CSMD1: variants seen among roughly 807,000 people sequenced by gnomAD.
CSMD1 encodes the protein CUB and Sushi multiple domains 1.
A neutral mutation model predicts 417.5 loss-of-function variants in CSMD1; 213 were observed. That is an observed-to-expected ratio of 0.51 (90% CI 0.46 to 0.57). The LOEUF (loss-of-function observed/expected upper bound fraction) is 0.57, where lower values mean the gene tolerates loss of function less well. CSMD1 is among the 20% of genes least tolerant of loss of function. The probability of loss-of-function intolerance (pLI) is 0.00; values close to 1 mark genes in which losing one functional copy is unlikely to be tolerated. For synonymous variants in CSMD1, 2,862 were observed against 1,736.8 expected, an observed-to-expected ratio of 1.65 and a Z score of -16.11; for missense variants, 6,923 against 4,529.7, an observed-to-expected ratio of 1.53 and a Z score of -15.17.
chr8:4,884,081 A>G (rs963845616), intron 1 of CSMD1, among the ~76,000 whole-genome samples: 1 of 152,060 alleles, frequency 6.6e-6, no homozygotes, highest in Non-Finnish European at 1.5e-5. Context: ...CCCTGATGGC[A>G]AATGATATTG....
At chr8:4,010,110 T>C (rs1295222057) in intron 4 of CSMD1, among the ~76,000 whole-genome samples, 2 of 152,190 alleles carry the variant, frequency 1.3e-5, no homozygotes, top group African/African-American at 2.4e-5. Context: ...CCTTCCCTTC[T>C]TCCTCTGATG....
chr8:4,773,543 A>T (rs1454941206), intron 1 of CSMD1, among the ~76,000 whole-genome samples: 5 of 152,176 alleles, frequency 3.3e-5, no homozygotes, highest in Non-Finnish European at 5.9e-5. Context: ...CAGTTGAAAG[A>T]AAGTTACTTT....
At chr8:3,143,613 A>C (rs914290631) in intron 40 of CSMD1, among the ~76,000 whole-genome samples, 2 of 152,208 alleles carry the variant, frequency 1.3e-5, no homozygotes, top group Non-Finnish European at 2.9e-5. Flanking sequence ...CAAAGACATT[A>C]GTCTTTGCAT....
At chr8:4,773,068 TATTTCAG>T (rs1389781145) in intron 1 of CSMD1, among the ~76,000 whole-genome samples, 8 of 152,178 alleles carry the variant, frequency 5.3e-5, no homozygotes, top group Non-Finnish European at 1.2e-4. Flanking sequence ...CCACCAGAAG[TATTTCAG>T]ATTTCAGATT....
intron 28 of CSMD1, among the ~76,000 whole-genome samples, chr8:3,222,223 C>G (rs17079641): frequency 6.6e-6 from 1 of 151,826 alleles, no homozygotes; most frequent in Non-Finnish European, 1.5e-5. Flanking sequence ...AGTGAAAAAA[C>G]CCTTGCACAA....
chr8:3,802,022 G>A (rs922362586), intron 5 of CSMD1, among the ~76,000 whole-genome samples: 5 of 152,060 alleles, frequency 3.3e-5, no homozygotes, highest in African/African-American at 7.2e-5. Flanking sequence ...ATGACTGCAC[G>A]ATGATGTAAG....
chr8:4,204,431 C>T (rs1286793894), intron 3 of CSMD1, among the ~76,000 whole-genome samples: 3 of 152,126 alleles, frequency 2.0e-5, no homozygotes, highest in Non-Finnish European at 4.4e-5. Context: ...AAGCTAATTC[C>T]AAAACCACTT....
intron 3 of CSMD1, among the ~76,000 whole-genome samples, chr8:4,141,302 A>G (rs1411535572): frequency 1.3e-5 from 2 of 151,194 alleles, no homozygotes; most frequent in Non-Finnish European, 2.9e-5. Flanking sequence ...CGTAATTCCC[A>G]AGATGGAAAT....
chr8:3,268,898 G>T (rs375573888), intron 26 of CSMD1, among the ~76,000 whole-genome samples: 2 of 152,136 alleles, frequency 1.3e-5, no homozygotes, highest in Non-Finnish European at 2.9e-5. Context: ...TTAGCAGAAA[G>T]GTGGCCATAA....
chr8:4,117,423 T>C (rs1418169308), intron 3 of CSMD1, among the ~76,000 whole-genome samples: 4 of 151,916 alleles, frequency 2.6e-5, no homozygotes, highest in African/African-American at 9.7e-5. Flanking sequence ...GCAAGGTAAA[T>C]ACAAGCAGGA....
chr8:4,703,197 G>T lies in CSMD1; in HGVS notation c.86-65639C>A, dbSNP rs146809397. Among the ~76,000 whole-genome samples, 474 of 152,290 alleles carry T rather than the reference G, an allele frequency of 3.1e-3. 4 individuals carry two copies. The highest frequency in any genetic ancestry group is 0.011 in the African/African-American group (451 of 41,558). On this transcript the variant is annotated intron_variant, in intron 1 of 69. Coordinates refer to ENST00000635120, the MANE Select transcript of CSMD1 (RefSeq NM_033225.6). The stretch of plus-strand genomic sequence containing the variant: ...ATTCAAATTTTCTTTACAAAATTCA[G>T]TGGATGATGCTATAGCTCATACAGT...
intron 5 of CSMD1, among the ~76,000 whole-genome samples, chr8:3,817,056 G>T (rs190198224): frequency 1.4e-3 from 211 of 152,060 alleles, no homozygotes; most frequent in Non-Finnish European, 8.1e-4. Context: ...GAAAGAAACA[G>T]GGTGAAGGAA....
At chr8:3,930,232 C>T (rs994137993) in intron 5 of CSMD1, among the ~76,000 whole-genome samples, 3 of 150,276 alleles carry the variant, frequency 2.0e-5, no homozygotes, top group Non-Finnish European at 3.0e-5. Context: ...AAGTAGAGGT[C>T]CTTCTTCAAA....
intron 5 of CSMD1, among the ~76,000 whole-genome samples, chr8:3,964,013 A>G (rs1326868371): frequency 6.8e-6 from 1 of 146,944 alleles, no homozygotes; most frequent in Non-Finnish European, 1.5e-5. Flanking sequence ...AGAATGCACA[A>G]AGAAACTTCA....
intron 1 of CSMD1, among the ~76,000 whole-genome samples, chr8:4,649,512 C>G (rs1803747534): frequency 6.6e-6 from 1 of 152,204 alleles, no homozygotes; most frequent in Admixed American, 6.5e-5. Context: ...GTGAGTAGGA[C>G]TTCTACCCCT....
At chr8:3,788,476 A>T (rs1799563707) in intron 5 of CSMD1, among the ~76,000 whole-genome samples, 1 of 152,152 alleles carries the variant, frequency 6.6e-6, no homozygotes, top group Non-Finnish European at 1.5e-5. Context: ...AGAACTGGGG[A>T]ATTCTTTCCT....
chr8:3,087,412 T>A (rs1347722348), intron 48 of CSMD1, 127 bp from the exon 49 acceptor site: 2 of 955,682 alleles, frequency 2.1e-6, no homozygotes, highest in East Asian at 2.5e-5. Flanking sequence ...AGCACCAGTA[T>A]GTAAGTTTGT....
At chr8:4,948,617 T>G (rs1159494232) in intron 1 of CSMD1, among the ~76,000 whole-genome samples, 1 of 152,096 alleles carries the variant, frequency 6.6e-6, no homozygotes, top group Non-Finnish European at 1.5e-5. Flanking sequence ...TCAATTACAT[T>G]ATAAAATTAT....
chr8:4,727,776 C>A (rs1422941384), intron 1 of CSMD1, among the ~76,000 whole-genome samples: 1 of 151,496 alleles, frequency 6.6e-6, no homozygotes, highest in Non-Finnish European at 1.5e-5. Flanking sequence ...CTCTCTGCTT[C>A]CAGGTGCTAA....
Sources: allele counts gnomAD v4.1 joint callset (sites outside exome capture counted in the v4.1 genomes callset), GRCh38; gene constraint gnomAD v4.1.1; transcripts MANE v1.5; gene names NCBI Gene and HGNC (gene_info 2026-07-23, HGNC 2026-07-21).